PDE3B: variants seen among roughly 807,000 people sequenced by gnomAD.
The protein encoded by PDE3B is cGMP-inhibited 3',5'-cyclic phosphodiesterase 3B.
Under a neutral mutation model 116.8 loss-of-function variants are expected in PDE3B, and 66 were observed. The observed-to-expected ratio is 0.56, with a 90% CI of 0.46 to 0.69. PDE3B has a LOEUF of 0.69. Among genes scored for constraint, PDE3B ranks in the 30% least tolerant of loss-of-function variants. The pLI, the probability that PDE3B is intolerant of heterozygous loss-of-function variation, is 0.00. For missense variants in PDE3B, 1,384 were observed against 1,368.1 expected, an observed-to-expected ratio of 1.01 and a Z score of -0.18; for synonymous variants, 595 against 533.6, an observed-to-expected ratio of 1.12 and a Z score of -1.59.
At chr11:14,654,105 A>T (rs1014881899) in intron 1 of PDE3B, among the ~76,000 whole-genome samples, 30 of 152,282 alleles carry the variant, frequency 2.0e-4, no homozygotes, top group African/African-American at 7.2e-4. Flanking sequence ...GAAGTTCGAA[A>T]AGGGGATAAT....
chr11:14,879,452 G>C, the PDE3B span: 34 of 1,589,150 alleles, frequency 2.1e-5, no homozygotes, highest in African/African-American at 3.9e-4. Flanking sequence ...TCCTGTCAGA[G>C]AAAAAGTATT....
chr11:14,766,565 C>T (rs1201975687), intron 1 of PDE3B, among the ~76,000 whole-genome samples: 1 of 151,480 alleles, frequency 6.6e-6, no homozygotes, highest in East Asian at 1.9e-4. Flanking sequence ...AAGATGTATA[C>T]TCTGTATCCA....
chr11:14,697,529 A>T (rs957755512), intron 1 of PDE3B, among the ~76,000 whole-genome samples: 5 of 152,066 alleles, frequency 3.3e-5, no homozygotes, highest in Admixed American at 6.6e-5. Context: ...GTCAGTTCTC[A>T]ACTTTGTTCT....
chr11:14,786,538 T>C lies in PDE3B; in HGVS notation c.1131T>C (p.Ile377=). 3 of 1,613,334 alleles carry C rather than the reference T, an allele frequency of 1.9e-6. No individual in the cohort carries two copies. Among genetic ancestry groups the C allele is most frequent in the Non-Finnish European group, 2.5e-6 (3 of 1,179,434 alleles). Residue 377 remains isoleucine (I), a synonymous_variant, in exon 3 of 16, where the codon ATT becomes ATC. Transcript: ENST00000282096. The stretch of plus-strand genomic sequence containing the variant: ...ATCCAAGCCTTCCACCACAAGTCAT[T>C]TCCTCTCTACGGAGTATTAGTAGCT... ...LTDPSLPPQV[I]SSLRSISSLM...
chr11:14,879,559 A>C, the PDE3B span: 1 of 703,654 alleles, frequency 1.4e-6, no homozygotes, highest in South Asian at 1.7e-5. Flanking sequence ...ATATAGATAC[A>C]TCCAGATTCA....
intron 4 of PDE3B, among the ~76,000 whole-genome samples, chr11:14,803,617 G>T (rs879708664): frequency 3.3e-5 from 5 of 152,200 alleles, no homozygotes; most frequent in African/African-American, 7.2e-5. Flanking sequence ...GCAGCCTATG[G>T]ACCTAATCTG....
chr11:14,771,923 A>T lies in PDE3B; in HGVS notation c.979-14A>T. The T allele has an allele frequency of 7.9e-7, 1 of 1,259,810 alleles. No individual in the cohort carries two copies. Among genetic ancestry groups the T allele is most frequent in the Non-Finnish European group, 1.1e-6 (1 of 937,012 alleles). 78.0% of individuals were successfully genotyped at this position (1,259,810 alleles called of 1,614,324 possible). On this transcript the variant is annotated splice_polypyrimidine_tract_variant and intron_variant, in intron 1 of 15. Coordinates refer to ENST00000282096, the MANE Select transcript of PDE3B (RefSeq NM_000922.4). ...TTATTTTTGGTTTGTAACCAAGTGAATTTTTTTTTCTAGATGATTCTTTGG... is the reference window on the plus strand; with the variant it reads ...TTATTTTTGGTTTGTAACCAAGTGATTTTTTTTTTCTAGATGATTCTTTGG...
downstream of PDE3B, among the ~76,000 whole-genome samples, chr11:14,876,265 C>A (rs2134003013): frequency 6.6e-6 from 1 of 152,104 alleles, no homozygotes; most frequent in East Asian, 1.9e-4. Context: ...ACCTGTAATC[C>A]CAGTACTTTG....
At chr11:14,877,150 A>C in the PDE3B span, among the ~76,000 whole-genome samples, 2 of 152,134 alleles carry the variant, frequency 1.3e-5, no homozygotes, top group East Asian at 3.9e-4. Flanking sequence ...AAATGGGTCA[A>C]TATACATTCC....
chr11:14,794,533 C>G (rs1041136845), intron 4 of PDE3B, among the ~76,000 whole-genome samples: 4 of 152,102 alleles, frequency 2.6e-5, no homozygotes, highest in African/African-American at 9.6e-5. Flanking sequence ...AGGCTGGTCT[C>G]GAACTCCTGA....
At chr11:14,747,105 C>T (rs977439259) in intron 1 of PDE3B, among the ~76,000 whole-genome samples, 6 of 152,110 alleles carry the variant, frequency 3.9e-5, no homozygotes, top group Non-Finnish European at 7.3e-5. Flanking sequence ...GGGGGAGGTG[C>T]CATGCTCTTT....
chr11:14,868,211 G>T (rs1316515050), intron 15 of PDE3B, among the ~76,000 whole-genome samples: 1 of 152,140 alleles, frequency 6.6e-6, no homozygotes, highest in East Asian at 1.9e-4. Flanking sequence ...ATCTCTTGAG[G>T]TGTTGTCCTC....
At chr11:14,896,381 A>G in the PDE3B span, among the ~76,000 whole-genome samples, 1 of 152,184 alleles carries the variant, frequency 6.6e-6, no homozygotes, top group African/African-American at 2.4e-5. Flanking sequence ...GGCACCTACT[A>G]GATTAGATGC....
At chr11:14,832,227 A>T (rs1859907762) in intron 9 of PDE3B, among the ~76,000 whole-genome samples, 1 of 152,196 alleles carries the variant, frequency 6.6e-6, no homozygotes, top group Admixed American at 6.5e-5. Flanking sequence ...ATGGGTCCGC[A>T]TAACAGCATC....
At chr11:14,740,448 T>G (rs775508291) in intron 1 of PDE3B, among the ~76,000 whole-genome samples, 2 of 152,210 alleles carry the variant, frequency 1.3e-5, no homozygotes, top group Non-Finnish European at 2.9e-5. Flanking sequence ...AGGGGTGATA[T>G]CCCCTGTATC....
intron 1 of PDE3B, among the ~76,000 whole-genome samples, chr11:14,662,707 A>C (rs1853972518): frequency 6.6e-6 from 1 of 152,242 alleles, no homozygotes; most frequent in African/African-American, 2.4e-5. Context: ...AAAGGGTATC[A>C]GTGATGGAAG....
chr11:14,842,867 G>A (rs1408161408), intron 11 of PDE3B, among the ~76,000 whole-genome samples: 2 of 152,180 alleles, frequency 1.3e-5, no homozygotes, highest in Non-Finnish European at 2.9e-5. Context: ...TGTCACTAGT[G>A]TATTAAAGTC....
chr11:14,737,321 GT>G (rs1267358144), intron 1 of PDE3B, among the ~76,000 whole-genome samples: 1 of 152,126 alleles, frequency 6.6e-6, no homozygotes, highest in Non-Finnish European at 1.5e-5. Flanking sequence ...AGCCTCCTGA[GT>G]AGCTGGGACT....
chr11:14,679,200 T>C (rs955546432), intron 1 of PDE3B, among the ~76,000 whole-genome samples: 4 of 152,190 alleles, frequency 2.6e-5, no homozygotes, highest in African/African-American at 9.7e-5. Flanking sequence ...TCAATATTGT[T>C]TGACCTTTGC....
Sources: allele counts gnomAD v4.1 joint callset (sites outside exome capture counted in the v4.1 genomes callset), GRCh38; gene constraint gnomAD v4.1.1; transcripts MANE v1.5; gene names NCBI Gene and HGNC (gene_info 2026-07-23, HGNC 2026-07-21).